The following PTPN12 variants were observed in gnomAD, a reference collection of about 807,000 sequenced individuals.
PTPN12 encodes protein tyrosine phosphatase non-receptor type 12.
A neutral mutation model predicts 97.6 loss-of-function variants in PTPN12; 29 were observed. The observed-to-expected ratio is 0.30, with a 90% CI of 0.22 to 0.41. The LOEUF (loss-of-function observed/expected upper bound fraction) is 0.41, where lower values mean the gene tolerates loss of function less well. PTPN12 is among the 10% of genes least tolerant of loss of function. The pLI, the probability that PTPN12 is intolerant of heterozygous loss-of-function variation, is 1.00. For missense variants in PTPN12, 819 were observed against 926.0 expected, an observed-to-expected ratio of 0.88 and a Z score of 1.50; for synonymous variants, 327 against 300.4, an observed-to-expected ratio of 1.09 and a Z score of -0.91.
chr7:77,593,672 A>G (rs1263476550), intron 6 of PTPN12, among the ~76,000 whole-genome samples: 1 of 152,246 alleles, frequency 6.6e-6, no homozygotes, highest in Non-Finnish European at 1.5e-5. Context: ...AGGCCCAACA[A>G]CATTATGGAG....
chr7:77,594,050 T>A (rs1438971004), intron 6 of PTPN12, among the ~76,000 whole-genome samples: 2 of 152,242 alleles, frequency 1.3e-5, no homozygotes, highest in East Asian at 3.8e-4. Flanking sequence ...CTGTCTACTT[T>A]ATAAATCAAT....
At chr7:77,541,587 C>T (rs947890099) in intron 1 of PTPN12, among the ~76,000 whole-genome samples, 1 of 152,126 alleles carries the variant, frequency 6.6e-6, no homozygotes, top group African/African-American at 2.4e-5. Flanking sequence ...TGTTCATAAA[C>T]TTGAAAAAGT....
chr7:77,542,089 T>G (rs558409892), intron 1 of PTPN12, among the ~76,000 whole-genome samples: 1 of 152,312 alleles, frequency 6.6e-6, no homozygotes, highest in African/African-American at 2.4e-5. Context: ...ACCAGTGAGC[T>G]AATACATGGT....
intron 16 of PTPN12, among the ~76,000 whole-genome samples, 156 bp from the exon 17 acceptor site, chr7:77,638,468 A>G (rs935595644): frequency 1.5e-4 from 23 of 152,138 alleles, no homozygotes; most frequent in Non-Finnish European, 2.4e-4. Flanking sequence ...TGCACACTAC[A>G]CTTGTATTTA....
chr7:77,639,303 T>A lies in PTPN12; in HGVS notation c.*23T>A. ...TGATTCAGGGAGCTAGAAGACACTT[T>A]AAGTTATACTGGAAAATTCAGGTGC... On this transcript the variant is annotated 3_prime_UTR_variant, in exon 18 of 18. Transcript: ENST00000248594. 1.3e-6 allele frequency: 2 copies of A among 1,590,856 alleles called. No individual in the cohort carries two copies. Among genetic ancestry groups the A allele is most frequent in the South Asian group, 2.2e-5 (2 of 89,598 alleles).
intron 12 of PTPN12, among the ~76,000 whole-genome samples, chr7:77,625,563 CTCTTTTT>C (rs1299118002): frequency 0.033 from 928 of 27,780 alleles, 149 homozygotes; most frequent in African/African-American, 0.14. Flanking sequence ...CGCTCTCTCT[CTCTTTTT>C]TTTTTTTTTT....
chr7:77,638,773 T>C (rs777291276), intron 17 of PTPN12, 42 bp downstream of exon 17: 1 of 1,559,118 alleles, frequency 6.4e-7, no homozygotes, highest in Admixed American at 2.1e-5. Context: ...TAGTTAACAC[T>C]GGCAGGAATG....
rs181690363 is a variant in PTPN12 at position 77,636,636 on chromosome 7, T to C, written c.2143-382T>C. ...ACATTTTTTATTAACATTAATACTT[T>C]TTGTATTTTCTCCCATACTTTAATA... is the stretch of plus-strand genomic sequence containing the variant. On this transcript the variant is annotated intron_variant, in intron 15 of 17. Transcript: ENST00000248594. 3.8e-3 allele frequency: 648 copies of C among 172,760 alleles called. 6 individuals carry two copies. Among genetic ancestry groups the C allele is most frequent in the Non-Finnish European group, 5.2e-3 (421 of 80,732 alleles). The allele number at this position is 172,760 out of a possible 1,614,324, so 10.7% of individuals were successfully genotyped here.
intron 9 of PTPN12, among the ~76,000 whole-genome samples, 196 bp downstream of exon 9, chr7:77,607,497 C>T (rs1008860845): frequency 9.9e-5 from 15 of 152,178 alleles, no homozygotes; most frequent in Admixed American, 2.6e-4. Flanking sequence ...CTTTGGGAGG[C>T]CAAGGTGGGA....
chr7:77,597,457 G>A (rs1481835494), intron 6 of PTPN12, among the ~76,000 whole-genome samples: 1 of 152,150 alleles, frequency 6.6e-6, no homozygotes, highest in Admixed American at 6.5e-5. Context: ...ACAGTATGTA[G>A]CCTTTTCAGA....
At chr7:77,599,004 A>G (rs1449580344) in intron 7 of PTPN12, among the ~76,000 whole-genome samples, 2 of 151,266 alleles carry the variant, frequency 1.3e-5, no homozygotes, top group Non-Finnish European at 2.9e-5. Context: ...AACATAATTA[A>G]TGAAATTTGG....
At chr7:77,599,328 T>C (rs1788121193) in intron 7 of PTPN12, among the ~76,000 whole-genome samples, 1 of 150,870 alleles carries the variant, frequency 6.6e-6, no homozygotes, top group Non-Finnish European at 1.5e-5. Flanking sequence ...TTTTTTTTTT[T>C]TTTTTTTGGC....
In PTPN12 at chr7:77,577,691, G is replaced by A. The variant is rs142712833; in HGVS notation, c.209-3736G>A. On this transcript the variant is annotated intron_variant, in intron 2 of 17. Coordinates refer to ENST00000248594, the MANE Select transcript of PTPN12 (RefSeq NM_002835.4). Reference sequence around the variant, plus strand: ...ATACACATGATATGCTGTATAAGTAGCATAATGTTGATTTTTAAATCTAAT... The same window carrying A: ...ATACACATGATATGCTGTATAAGTAACATAATGTTGATTTTTAAATCTAAT... Among the ~76,000 whole-genome samples, 685 of 152,254 alleles carry A rather than the reference G, an allele frequency of 4.5e-3. 7 individuals carry two copies. Among genetic ancestry groups the A allele is most frequent in the African/African-American group, 0.014 (600 of 41,544 alleles).
At position 77,589,889 on chromosome 7, in the gene PTPN12, T is replaced by G. The variant is rs542410175; in HGVS notation, c.421-2296T>G. Among the ~76,000 whole-genome samples, 7 of 152,324 alleles carry G rather than the reference T, an allele frequency of 4.6e-5. No homozygotes were observed. In the South Asian group the frequency reaches 1.5e-3, roughly 32 times the overall value. On this transcript the variant is annotated intron_variant, in intron 5 of 17. Transcript: ENST00000248594. ...AAGCTCATAGTATGTATCAAGTTAT[T>G]GATGAAAAATCAAGTAGCATTGAGT...
chr7:77,581,558 C>A, intron 3 of PTPN12, 55 bp downstream of exon 3: 4 of 1,153,820 alleles, frequency 3.5e-6, no homozygotes, highest in South Asian at 1.6e-5. Context: ...TTTCTACATA[C>A]TAGTTTTGTA....
chr7:77,540,243 C>CTTTCTT (rs1554307476), intron 1 of PTPN12, among the ~76,000 whole-genome samples: 5 of 140,464 alleles, frequency 3.6e-5, no homozygotes, highest in African/African-American at 5.4e-5. Context: ...TTCTTTCTTT[C>CTTTCTT]TTTTTTTTTT....
At chr7:77,547,482 AAGG>A (rs1807278596) in intron 1 of PTPN12, among the ~76,000 whole-genome samples, 1 of 152,204 alleles carries the variant, frequency 6.6e-6, no homozygotes, top group African/African-American at 2.4e-5. Context: ...GTGGAAAGAT[AAGG>A]AGTTTAGGAG....
At chr7:77,575,221 G>A (rs946845723) in intron 2 of PTPN12, among the ~76,000 whole-genome samples, 9 of 152,172 alleles carry the variant, frequency 5.9e-5, no homozygotes, top group African/African-American at 2.2e-4. Context: ...CGGGCACAGT[G>A]GCTCATGCAT....
chr7:77,580,560 C>T (rs192887276), intron 2 of PTPN12, among the ~76,000 whole-genome samples: 213 of 152,162 alleles, frequency 1.4e-3, no homozygotes, highest in African/African-American at 4.5e-3. Context: ...AATTGAAGGG[C>T]AGGGGAGGCT....
Sources: allele counts gnomAD v4.1 joint callset (sites outside exome capture counted in the v4.1 genomes callset), GRCh38; gene constraint gnomAD v4.1.1; transcripts MANE v1.5; gene names NCBI Gene and HGNC (gene_info 2026-07-23, HGNC 2026-07-21).